Variants in C11orf58 observed in about 807,000 individuals in gnomAD.
C11orf58 encodes chromosome 11 open reading frame 58.
A neutral mutation model predicts 22.7 loss-of-function variants in C11orf58; 5 were observed. That is an observed-to-expected ratio of 0.22 (90% CI 0.12 to 0.46). The LOEUF is 0.46. Ranked by LOEUF, C11orf58 falls within the 20% of genes least tolerant of loss-of-function variation. The pLI is 0.99. For synonymous variants in C11orf58, 71 were observed against 70.7 expected (o/e 1.00, Z -0.02); for missense variants, 151 against 223.3 (o/e 0.68, Z 2.06).
intron 1 of C11orf58, among the ~76,000 whole-genome samples, chr11:16,740,275 T>A (rs943406885): frequency 6.6e-6 from 1 of 152,224 alleles, no homozygotes; most frequent in Non-Finnish European, 1.5e-5. Flanking sequence ...CCAGGTGATA[T>A]GAAATTTAAC....
chr11:16,755,233 GTGTT>G lies in C11orf58; in HGVS notation c.*132_*135del, dbSNP rs1848567401. 8.8e-7 allele frequency: 1 copy of G among 1,133,420 alleles called. No individual in the cohort carries two copies. Among genetic ancestry groups the G allele is most frequent in the African/African-American group, 1.6e-5 (1 of 64,244 alleles). The allele number at this position is 1,133,420 out of a possible 1,614,324, so 70.2% of individuals were successfully genotyped here. A position where few individuals can be genotyped will look rare whatever the true frequency, so the allele number is the denominator to read the frequency against. On this transcript the variant is annotated 3_prime_UTR_variant, in exon 5 of 5. Coordinates refer to ENST00000228136, the MANE Select transcript of C11orf58 (RefSeq NM_014267.6). ...AGGCCCTTTTAAATAATTACAAAGA[GTGTT>G]TGCTTTCAAATGCCATGGGTTACAC...
intron 1 of C11orf58, among the ~76,000 whole-genome samples, chr11:16,741,599 C>T (rs1474515750): frequency 6.6e-6 from 1 of 152,224 alleles, no homozygotes; most frequent in Non-Finnish European, 1.5e-5. Flanking sequence ...GGCTGCACAG[C>T]AGGACGTGAG....
At chr11:16,753,881 T>C (rs1848552867) in intron 4 of C11orf58, 1 of 507,086 alleles carries the variant, frequency 2.0e-6, no homozygotes, top group Non-Finnish European at 3.5e-6. Flanking sequence ...GTATTTTTTG[T>C]AGAGACGGAG....
chr11:16,753,882 A>G, intron 4 of C11orf58: 2 of 510,032 alleles, frequency 3.9e-6, no homozygotes, highest in Admixed American at 3.3e-5. Context: ...TATTTTTTGT[A>G]GAGACGGAGT....
Position 16,754,547 on chromosome 11 carries a change from C to CTTTTTTTT in C11orf58, c.319-293_319-286dup, listed in dbSNP as rs573626223. Among the ~76,000 whole-genome samples the CTTTTTTTT allele has an allele frequency of 5.4e-4, 17 of 31,496 alleles. 6 individuals carry two copies. The highest frequency in any genetic ancestry group is 1.1e-3 in the Non-Finnish European group (17 of 15,288). The allele number at this position is 31,496 out of a possible 152,430, so 20.7% of individuals were successfully genotyped here. A position where few individuals can be genotyped will look rare whatever the true frequency, so the allele number is the denominator to read the frequency against. ...TTTTAGTTTCTCTCTCTCTCTCTCC[C>CTTTTTTTT]TTTTTTTTTTTTTTTTTTTTTTTTT... On this transcript the variant is annotated intron_variant, in intron 4 of 4. Coordinates refer to ENST00000228136, the MANE Select transcript of C11orf58 (RefSeq NM_014267.6).
intron 1 of C11orf58, chr11:16,739,530 C>G (rs1379379356): frequency 6.6e-6 from 1 of 152,250 alleles, no homozygotes; most frequent in Non-Finnish European, 1.5e-5. Flanking sequence ...AACGGTTTAT[C>G]CCTTAAAGTA....
At chr11:16,743,208 A>G (rs1848461778) in intron 1 of C11orf58, among the ~76,000 whole-genome samples, 1 of 152,200 alleles carries the variant, frequency 6.6e-6, no homozygotes, top group South Asian at 2.1e-4. Flanking sequence ...CACCTTGTGT[A>G]CACATCTGCC....
chr11:16,743,769 A>G (rs1053256023), intron 1 of C11orf58, among the ~76,000 whole-genome samples: 4 of 152,164 alleles, frequency 2.6e-5, no homozygotes, highest in Non-Finnish European at 5.9e-5. Context: ...GTTGAGAATA[A>G]TGAATTATAA....
At chr11:16,752,942 G>T in intron 4 of C11orf58, 48 bp downstream of exon 4, 1 of 1,438,692 alleles carries the variant, frequency 7.0e-7, no homozygotes, top group South Asian at 1.2e-5. Context: ...TTTTCAATTT[G>T]GTACCATTTA....
At position 16,754,959 on chromosome 11, in the gene C11orf58, C is replaced by G. The variant is rs1368902424; in HGVS notation, c.407C>G (p.Ser136Cys). ...DSPDPESPDD[S>C]ESDSESEKEE... The stretch of plus-strand genomic sequence containing the variant: ...CCTGATCCTGAAAGTCCAGATGATT[C>G]TGAAAGCGATTCAGAGTCAGAGAAA... The change falls in exon 5 of 5, where the codon TCT (serine) becomes TGT (cysteine). Residue 136 changes from serine to cysteine, a missense_variant. Ser to Cys is a moderately radical substitution (Grantham distance 112, BLOSUM62 -1). This residue lies in a region of C11orf58 where 112 missense variants were observed against 162.6 expected (regional missense o/e 0.69). Coordinates refer to ENST00000228136, the MANE Select transcript of C11orf58 (RefSeq NM_014267.6). The G allele has an allele frequency of 1.2e-6, 2 of 1,614,036 alleles. No homozygotes were observed. The highest frequency in any genetic ancestry group is 1.1e-5 in the South Asian group (1 of 91,088).
intron 3 of C11orf58, chr11:16,750,267 AC>A: frequency 6.6e-6 from 1 of 152,256 alleles, no homozygotes; most frequent in East Asian, 1.9e-4. Context: ...AAAGTGCTTC[AC>A]CACATGGAGA....
chr11:16,747,237 A>G (rs1848494505), intron 2 of C11orf58: 1 of 152,248 alleles, frequency 6.6e-6, no homozygotes, highest in Non-Finnish European at 1.5e-5. Context: ...ACATAAAGCA[A>G]TGAGCATTAA....
intron 1 of C11orf58, among the ~76,000 whole-genome samples, chr11:16,741,707 A>G (rs1429539788): frequency 6.6e-6 from 1 of 152,174 alleles, no homozygotes; most frequent in Non-Finnish European, 1.5e-5. Context: ...TTTGATTCTT[A>G]TAAGAGCGTG....
chr11:16,754,368 T>A (rs1848556702), intron 4 of C11orf58, among the ~76,000 whole-genome samples: 2 of 151,852 alleles, frequency 1.3e-5, no homozygotes, highest in Non-Finnish European at 2.9e-5. Flanking sequence ...TCTTGCTCTG[T>A]CACACAGGCT....
Position 16,740,920 on chromosome 11 carries a change from C to T in C11orf58, c.63+2079C>T, listed in dbSNP as rs186089846. ...CATCCTGGCTAACACAGTGAAACCC[C>T]GCCTCTACTAAAAAAATACAAAAAA... On this transcript the variant is annotated intron_variant, in intron 1 of 4. Coordinates refer to ENST00000228136, the MANE Select transcript of C11orf58 (RefSeq NM_014267.6). 1.2e-3 allele frequency among the ~76,000 whole-genome samples: 178 copies of T among 151,580 alleles called. 4 individuals carry two copies. The East Asian group carries it at 0.032, about 27-fold the overall frequency.
chr11:16,744,792 T>C, intron 2 of C11orf58, 108 bp downstream of exon 2: 4 of 1,026,194 alleles, frequency 3.9e-6, no homozygotes, highest in Non-Finnish European at 5.7e-6. Flanking sequence ...TTTCCTGTTC[T>C]GTGTGATTTC....
At chr11:16,739,395 G>A (rs1002454611) in intron 1 of C11orf58, 1 of 154,856 alleles carries the variant, frequency 6.5e-6, no homozygotes, top group Non-Finnish European at 1.4e-5. Context: ...TGGTGGTGAG[G>A]TCTAAGACGT....
chr11:16,744,839 A>C (rs1446052906), intron 2 of C11orf58, among the ~76,000 whole-genome samples, 155 bp downstream of exon 2: 5 of 152,214 alleles, frequency 3.3e-5, no homozygotes, highest in African/African-American at 1.2e-4. Flanking sequence ...CTAACCAAGC[A>C]CATAAAATTT....
rs1203021454 is a variant in C11orf58, at chr11:16,757,532, T to C, written c.*2428T>C. On this transcript the variant is annotated 3_prime_UTR_variant, in exon 5 of 5. Transcript: ENST00000228136. ...CACCCATTAAACATAATGCTATCTT[T>C]TAAGCCTGAACATGTGGGTTTTTTA... is the stretch of plus-strand genomic sequence containing the variant. 1.3e-5 allele frequency among the ~76,000 whole-genome samples: 2 copies of C among 152,220 alleles called. No individual in the cohort carries two copies. The highest frequency in any genetic ancestry group is 1.9e-4 in the East Asian group (1 of 5,200).
Sources: allele counts gnomAD v4.1 joint callset (sites outside exome capture counted in the v4.1 genomes callset), GRCh38; gene constraint gnomAD v4.1.1; regional missense constraint gnomAD v4.1.1; transcripts MANE v1.5; gene names NCBI Gene and HGNC (gene_info 2026-07-23, HGNC 2026-07-21).